CSN1S1: variants seen among roughly 807,000 people sequenced by gnomAD.
CSN1S1 encodes the protein alpha-S1-casein.
In CSN1S1, 63 loss-of-function variants were observed where a neutral mutation model predicts 49.1. The ratio of observed to expected loss-of-function variants is 1.28; its 90% CI spans 1.05 to 1.58. CSN1S1 has a LOEUF of 1.58. CSN1S1 is among the 40% of genes most tolerant of loss of function. The pLI, the probability that CSN1S1 is intolerant of heterozygous loss-of-function variation, is 0.00. For missense variants in CSN1S1, 260 were observed against 224.7 expected (o/e 1.16, Z -1.01); for synonymous variants, 78 against 67.1 (o/e 1.16, Z -0.79).
At chr4:69,940,253 ATTAT>A (rs1722932627) in intron 11 of CSN1S1, among the ~76,000 whole-genome samples, 1 of 151,640 alleles carries the variant, frequency 6.6e-6, no homozygotes, top group Non-Finnish European at 1.5e-5. Flanking sequence ...GTATTAATAA[ATTAT>A]TTATCCTTTT....
At chr4:69,944,357 C>G (rs1723080617) in intron 14 of CSN1S1, among the ~76,000 whole-genome samples, 1 of 151,930 alleles carries the variant, frequency 6.6e-6, no homozygotes, top group Non-Finnish European at 1.5e-5. Flanking sequence ...TTGAAAAGAA[C>G]AGTGGCCTAG....
intron 7 of CSN1S1, 90 bp downstream of exon 7, chr4:69,936,697 C>A: frequency 1.6e-6 from 2 of 1,219,006 alleles, no homozygotes; most frequent in South Asian, 2.9e-5. Context: ...AAGCATTTTT[C>A]TATGGTTTTG....
At chr4:69,944,747 C>T in intron 14 of CSN1S1, 103 bp from the exon 15 acceptor site, 1 of 1,169,676 alleles carries the variant, frequency 8.5e-7, no homozygotes, top group South Asian at 1.5e-5. Flanking sequence ...TTTTATCATG[C>T]TAACAGGCAT....
At position 69,946,296 on chromosome 4, in the gene CSN1S1, A is replaced by T; in HGVS notation, c.*100A>T. 2.5e-6 allele frequency: 1 copy of T among 405,394 alleles called. No homozygotes were observed. The highest frequency in any genetic ancestry group is 3.7e-5 in the East Asian group (1 of 27,146). 25.1% of individuals were successfully genotyped at this position (405,394 alleles called of 1,614,324 possible). ...TTAGAATAGTAAAATCCCATATTGA[A>T]GGAAATTGTTCTTTTTGAGTTATCT... On this transcript the variant is annotated 3_prime_UTR_variant, in exon 16 of 16. Transcript: ENST00000246891.
intron 13 of CSN1S1, 44 bp downstream of exon 13, chr4:69,942,107 A>G: frequency 8.2e-7 from 1 of 1,225,404 alleles, no homozygotes; most frequent in Non-Finnish European, 1.1e-6. Context: ...TATTTCCTTC[A>G]TGTGTTATGT....
At chr4:69,940,426 A>G (rs1722937389) in intron 11 of CSN1S1, among the ~76,000 whole-genome samples, 1 of 151,794 alleles carries the variant, frequency 6.6e-6, no homozygotes, top group South Asian at 2.1e-4. Context: ...GAATCTACAT[A>G]ACATAGTATT....
intron 10 of CSN1S1, 56 bp downstream of exon 10, chr4:69,939,264 C>T: frequency 2.3e-6 from 3 of 1,309,456 alleles, no homozygotes; most frequent in Non-Finnish European, 3.3e-6. Flanking sequence ...ATTATGAAAA[C>T]TTGTACCGTG....
chr4:69,937,184 G>A, intron 8 of CSN1S1, 40 bp downstream of exon 8: 3 of 1,359,512 alleles, frequency 2.2e-6, no homozygotes, highest in Admixed American at 2.5e-5. Flanking sequence ...CCAATATGAG[G>A]AAAAGAAACA....
rs1208553462 is a variant in CSN1S1, at chr4:69,937,111, G to A, written c.196-10G>A. The A allele has an allele frequency of 1.9e-6, 3 of 1,540,982 alleles. No homozygotes were observed. Among genetic ancestry groups the A allele is most frequent in the East Asian group, 2.5e-5 (1 of 40,734 alleles). On this transcript the variant is annotated splice_polypyrimidine_tract_variant and intron_variant, in intron 7 of 15. Transcript: ENST00000246891. Reference sequence around the variant, plus strand: ...ATCTGTCATACCTAACTGATTGACTGTCTTGGCAGGATACTAGGAATGAGT... The same window carrying A: ...ATCTGTCATACCTAACTGATTGACTATCTTGGCAGGATACTAGGAATGAGT...
rs755444998 is a variant in CSN1S1, at chr4:69,932,542, A to G, written c.-12-2A>G. 4.4e-6 allele frequency: 7 copies of G among 1,597,772 alleles called. No individual in the cohort carries two copies. The East Asian group carries it at 6.7e-5, about 15-fold the overall frequency. Reference sequence around the variant, plus strand: ...CTCTTTCTTTTTTGTTCTCTTACATAGGCTCTGATAACCATGAGGCTTCTC... The same window carrying G: ...CTCTTTCTTTTTTGTTCTCTTACATGGGCTCTGATAACCATGAGGCTTCTC... On this transcript the variant is annotated splice_acceptor_variant, in intron 1 of 15. Coordinates refer to ENST00000246891, the MANE Select transcript of CSN1S1 (RefSeq NM_001890.2). LOFTEE classifies it low-confidence loss of function (5UTR_SPLICE).
intron 5 of CSN1S1, 122 bp from the exon 6 acceptor site, chr4:69,936,334 G>C (rs1436088750): frequency 7.4e-6 from 6 of 816,296 alleles, no homozygotes; most frequent in Non-Finnish European, 9.9e-6. Flanking sequence ...AGTTCATTCA[G>C]GAAAAATGGA....
chr4:69,939,980 G>A (rs1722921081), intron 10 of CSN1S1, 41 bp from the exon 11 acceptor site: 3 of 1,165,018 alleles, frequency 2.6e-6, no homozygotes, highest in Non-Finnish European at 1.2e-6. Context: ...GTAAATTAAT[G>A]TCGTGAAATT....
At chr4:69,934,877 C>G (rs1722721889) in intron 4 of CSN1S1, among the ~76,000 whole-genome samples, 167 bp downstream of exon 4, 1 of 152,112 alleles carries the variant, frequency 6.6e-6, no homozygotes, top group East Asian at 1.9e-4. Flanking sequence ...TGATGAAATT[C>G]CTATTTGACT....
intron 14 of CSN1S1, among the ~76,000 whole-genome samples, chr4:69,944,283 C>A (rs1331610085): frequency 6.6e-6 from 1 of 151,850 alleles, no homozygotes; most frequent in Non-Finnish European, 1.5e-5. Flanking sequence ...CATTATGAAT[C>A]AACAGAAGCA....
chr4:69,940,523 TC>T (rs1174020010), intron 11 of CSN1S1, among the ~76,000 whole-genome samples: 1 of 151,760 alleles, frequency 6.6e-6, no homozygotes. Flanking sequence ...CCGTTCACTT[TC>T]CCAGTATAAG....
At chr4:69,940,818 G>A (rs1302442294) in intron 11 of CSN1S1, among the ~76,000 whole-genome samples, 1 of 151,760 alleles carries the variant, frequency 6.6e-6, no homozygotes, top group East Asian at 1.9e-4. Context: ...AATTCAAGAA[G>A]TTGCTTTTTA....
chr4:69,933,219 T>A (rs1245077290), intron 2 of CSN1S1, among the ~76,000 whole-genome samples: 1 of 151,980 alleles, frequency 6.6e-6, no homozygotes, highest in Non-Finnish European at 1.5e-5. Flanking sequence ...AGTGTTTATA[T>A]CAATTAGATA....
At chr4:69,933,458 G>A (rs1320931067) in intron 2 of CSN1S1, among the ~76,000 whole-genome samples, 1 of 151,926 alleles carries the variant, frequency 6.6e-6, no homozygotes, top group Non-Finnish European at 1.5e-5. Flanking sequence ...GGAAAGTGCA[G>A]AATCAGGAAT....
At chr4:69,939,754 G>A (rs544770872) in intron 10 of CSN1S1, among the ~76,000 whole-genome samples, 1 of 151,682 alleles carries the variant, frequency 6.6e-6, no homozygotes, top group Non-Finnish European at 1.5e-5. Flanking sequence ...CTTAAGTGGG[G>A]TTTCTGTTAA....
Sources: allele counts gnomAD v4.1 joint callset (sites outside exome capture counted in the v4.1 genomes callset), GRCh38; gene constraint gnomAD v4.1.1; transcripts MANE v1.5; gene names NCBI Gene and HGNC (gene_info 2026-07-23, HGNC 2026-07-21).